The following MPST variants were observed in gnomAD, a reference collection of about 807,000 sequenced individuals.
The protein encoded by MPST is mercaptopyruvate sulfurtransferase.
In MPST, 27 loss-of-function variants were observed where a neutral mutation model predicts 28.5. The ratio of observed to expected loss-of-function variants is 0.95; its 90% CI spans 0.70 to 1.31. The LOEUF is 1.31. MPST is among the 50% of genes most tolerant of loss of function. The pLI is 0.00. For missense variants in MPST, 492 were observed against 471.1 expected (o/e 1.04, Z -0.41); for synonymous variants, 204 against 209.3 (o/e 0.97, Z 0.22).
At chr22:37,023,708 T>TCCTA (rs1923242657) in intron 1 of MPST, 3 of 1,038,460 alleles carry the variant, frequency 2.9e-6, no homozygotes, top group Non-Finnish European at 3.6e-6. Flanking sequence ...GATTCAGTGG[T>TCCTA]ACCCAGCAAG....
chr22:37,023,913 G>A, intron 1 of MPST: 1 of 1,514,890 alleles, frequency 6.6e-7, no homozygotes, highest in Non-Finnish European at 8.8e-7. Flanking sequence ...CCACCCTCCT[G>A]CCCAGCAAGT....
intron 2 of MPST, chr22:37,028,149 C>T (rs1923650181): frequency 6.6e-6 from 1 of 152,162 alleles, no homozygotes; most frequent in Non-Finnish European, 1.5e-5. Context: ...TCCTATATTC[C>T]CAGCACTTTG....
intron 2 of MPST, 180 bp from the exon 3 acceptor site, chr22:37,029,035 TG>T (rs1923710237): frequency 1.6e-6 from 1 of 620,164 alleles, no homozygotes; most frequent in East Asian, 2.8e-5. Context: ...GTGTATAAAA[TG>T]GGGGCTCCTC....
chr22:37,021,660 A>C (rs544895392), intron 1 of MPST, among the ~76,000 whole-genome samples: 1 of 151,944 alleles, frequency 6.6e-6, no homozygotes, highest in Non-Finnish European at 1.5e-5. Context: ...TTTAGTAGAG[A>C]TGAGGTTTCA....
chr22:37,029,537 C>T lies in MPST; in HGVS notation c.*23C>T, dbSNP rs1448833958. 1.3e-6 allele frequency: 2 copies of T among 1,571,578 alleles called. No individual in the cohort carries two copies. Among genetic ancestry groups the T allele is most frequent in the Non-Finnish European group, 1.7e-6 (2 of 1,155,426 alleles). The stretch of plus-strand genomic sequence containing the variant: ...TGAAGCTGGGCAGGACACAGGCGAG[C>T]TCAGGTGATGCCGGCCACCAGCAAT... On this transcript the variant is annotated 3_prime_UTR_variant, in exon 3 of 3. Coordinates refer to ENST00000429360, the MANE Select transcript of MPST (RefSeq NM_021126.8).
rs764373665 is a variant in MPST at position 37,024,422 on chromosome 22, C to T, written c.267C>T (p.Thr89=). ...FFDIDQCSDR[T]SPYDHMLPGA... ...ACATCGACCAGTGCAGCGACCGCAC[C>T]TCGCCCTACGACCACATGCTGCCCG... The change falls in exon 2 of 3, where the codon ACC becomes ACT. Residue 89 remains threonine (T), a synonymous_variant. Coordinates refer to ENST00000429360, the MANE Select transcript of MPST (RefSeq NM_021126.8). 32 of 1,543,894 alleles carry T rather than the reference C, an allele frequency of 2.1e-5. No homozygotes were observed. Among genetic ancestry groups the T allele is most frequent in the Admixed American group, 5.8e-5 (3 of 51,304 alleles).
intron 1 of MPST, among the ~76,000 whole-genome samples, chr22:37,020,605 A>G (rs1362911141): frequency 1.3e-5 from 2 of 152,130 alleles, no homozygotes; most frequent in Admixed American, 6.5e-5. Flanking sequence ...GCCCCTCCCT[A>G]GCTTTTGCAG....
In MPST at chr22:37,024,462, G is replaced by A; in HGVS notation, c.307G>A (p.Ala103Thr). ...DHMLPGAEHF[A>T]EYAGRLGVGA... Reference sequence around the variant, plus strand: ...CATGCTGCCCGGGGCCGAGCATTTCGCGGAGTACGCAGGCCGCCTGGGCGT... The same window carrying A: ...CATGCTGCCCGGGGCCGAGCATTTCACGGAGTACGCAGGCCGCCTGGGCGT... The change falls in exon 2 of 3, where the codon GCG becomes ACG. Residue 103 changes from alanine to threonine, a missense_variant. Transcript: ENST00000429360. The A allele has an allele frequency of 6.4e-7, 1 of 1,552,054 alleles. No homozygotes were observed.
At position 37,024,766 on chromosome 22, in the gene MPST, G is replaced by C. The variant is rs768650584; in HGVS notation, c.611G>C (p.Arg204Pro). 2 of 1,602,592 alleles carry C rather than the reference G, an allele frequency of 1.2e-6. No homozygotes were observed. Among genetic ancestry groups the C allele is most frequent in the Non-Finnish European group, 1.7e-6 (2 of 1,179,714 alleles). Residue 204 changes from arginine to proline, a missense_variant, in exon 2 of 3, where the codon CGA (arginine) becomes CCA (proline). Coordinates refer to ENST00000429360, the MANE Select transcript of MPST (RefSeq NM_021126.8). ...CGGCGCTTCCAGGTGGTGGACTCCC[G>C]AGCCACTGGCAGGTTCCGCGGCACC... ...ESRRFQVVDS[R>P]ATGRFRGTEP... is the part of the protein sequence containing the mutation.
chr22:37,024,953 T>C, intron 2 of MPST, 143 bp downstream of exon 2: 1 of 1,515,874 alleles, frequency 6.6e-7, no homozygotes, highest in East Asian at 2.5e-5. Flanking sequence ...TCCTTCCCTT[T>C]CCCTTCCCTC....
Position 37,024,342 on chromosome 22 carries a change from C to G in MPST, c.187C>G (p.Arg63Gly). 1 of 1,539,076 alleles carries G rather than the reference C, an allele frequency of 6.5e-7. No individual in the cohort carries two copies. The highest frequency in any genetic ancestry group is 1.4e-5 in the African/African-American group (1 of 72,536). ...DASWYLPKLG[R>G]DARREFEERH... The stretch of plus-strand genomic sequence containing the variant: ...CTCCTGGTACCTGCCGAAGCTGGGG[C>G]GCGACGCGCGACGCGAGTTCGAGGA... The change falls in exon 2 of 3, where the codon CGC becomes GGC. Residue 63 changes from arginine to glycine, a missense_variant. By Grantham distance (125) the Arg-to-Gly change is moderately radical (BLOSUM62 -2). Transcript: ENST00000429360.
intron 2 of MPST, chr22:37,027,493 G>A (rs776957572): frequency 6.6e-6 from 1 of 152,140 alleles, no homozygotes; most frequent in East Asian, 1.9e-4. Flanking sequence ...GGAAGGCTGA[G>A]GTGGGAGGAT....
rs1313731849 is a variant in MPST, at chr22:37,029,485, A to G, written c.925A>G (p.Ile309Val). ...WYMRARPEDV[I>V]SEGRGKTH ...CATGCGCGCCCGGCCCGAGGATGTC[A>G]TCTCAGAGGGCCGGGGGAAGACCCA... The change falls in exon 3 of 3, where the codon ATC (isoleucine) becomes GTC (valine). Residue 309 changes from isoleucine to valine, a missense_variant. Coordinates refer to ENST00000429360, the MANE Select transcript of MPST (RefSeq NM_021126.8). 1 of 1,608,956 alleles carries G rather than the reference A, an allele frequency of 6.2e-7. No homozygotes were observed. Among genetic ancestry groups the G allele is most frequent in the Admixed American group, 1.7e-5 (1 of 59,850 alleles).
At chr22:37,023,840 G>A (rs1247515557) in intron 1 of MPST, 17 of 1,358,490 alleles carry the variant, frequency 1.3e-5, no homozygotes, top group Non-Finnish European at 1.6e-5. Flanking sequence ...TTAGGGAGGG[G>A]TGGAGACTTT....
intron 2 of MPST, chr22:37,027,623 G>A (rs1410410336): frequency 6.6e-6 from 1 of 152,252 alleles, no homozygotes; most frequent in African/African-American, 2.4e-5. Flanking sequence ...CCTGCAGTCA[G>A]GTCAAAGCCC....
At chr22:37,023,896 C>A (rs769674579) in intron 1 of MPST, 21 of 1,500,014 alleles carry the variant, frequency 1.4e-5, no homozygotes, top group Admixed American at 1.9e-5. Context: ...CCCTAGGATA[C>A]CTCCACCCAC....
chr22:37,027,100 G>C (rs1295570845), intron 2 of MPST: 1 of 152,294 alleles, frequency 6.6e-6, no homozygotes, highest in Non-Finnish European at 1.5e-5. Context: ...TTACAGGCAT[G>C]TGCCACCACG....
Position 37,024,654 on chromosome 22 carries a change from A to G in MPST, c.499A>G (p.Ser167Gly), listed in dbSNP as rs779232209. The change falls in exon 2 of 3, where the codon AGC becomes GGC. Residue 167 changes from serine to glycine, a missense_variant. Ser to Gly is a moderately conservative substitution (Grantham distance 56). Coordinates refer to ENST00000429360, the MANE Select transcript of MPST (RefSeq NM_021126.8). ...RQNLPLSSGKSQPAPAEFRAQ... is the reference protein window; with the variant it reads ...RQNLPLSSGKGQPAPAEFRAQ... ...GAACCTCCCGCTCAGCTCCGGCAAG[A>G]GCCAACCTGCTCCCGCCGAGTTCCG... 1 of 1,598,734 alleles carries G rather than the reference A, an allele frequency of 6.3e-7. No individual in the cohort carries two copies. Among genetic ancestry groups the G allele is most frequent in the Admixed American group, 1.7e-5 (1 of 59,956 alleles).
At chr22:37,022,255 T>C (rs1046627596) in intron 1 of MPST, among the ~76,000 whole-genome samples, 1 of 152,146 alleles carries the variant, frequency 6.6e-6, no homozygotes, top group Non-Finnish European at 1.5e-5. Flanking sequence ...AAAAGTCAGA[T>C]TAGTCTGGAC....
Sources: allele counts gnomAD v4.1 joint callset (sites outside exome capture counted in the v4.1 genomes callset), GRCh38; gene constraint gnomAD v4.1.1; transcripts MANE v1.5; gene names NCBI Gene and HGNC (gene_info 2026-07-23, HGNC 2026-07-21).